Variants in ZZEF1 observed in about 807,000 individuals in gnomAD.
ZZEF1 encodes the protein zinc finger ZZ-type and EF-hand domain-containing protein 1.
Under a neutral mutation model 342.8 loss-of-function variants are expected in ZZEF1, and 157 were observed. That is an observed-to-expected ratio of 0.46 (90% CI 0.40 to 0.52). The LOEUF (loss-of-function observed/expected upper bound fraction) is 0.52. Among genes scored for constraint, ZZEF1 ranks in the 20% least tolerant of loss-of-function variants. The pLI is 0.00. For missense variants in ZZEF1, 3,480 were observed against 3,725.6 expected (o/e 0.93, Z 1.72); for synonymous variants, 1,505 against 1,429.1 (o/e 1.05, Z -1.20).
intron 11 of ZZEF1, 76 bp downstream of exon 11, chr17:4,095,755 A>G: frequency 3.4e-6 from 5 of 1,475,580 alleles, no homozygotes; most frequent in African/African-American, 1.4e-5. Flanking sequence ...ACCAATGAGC[A>G]TGAATACATT....
intron 32 of ZZEF1, among the ~76,000 whole-genome samples, chr17:4,057,142 C>A (rs781841): frequency 2.0e-5 from 3 of 152,150 alleles, no homozygotes; most frequent in Non-Finnish European, 4.4e-5. Flanking sequence ...CTGTAAAGGG[C>A]GCGCTTCCTT....
intron 34 of ZZEF1, 135 bp downstream of exon 34, chr17:4,053,921 TC>T: frequency 1.0e-6 from 1 of 961,464 alleles, no homozygotes; most frequent in Non-Finnish European, 1.5e-6. Flanking sequence ...AGGCTCATGT[TC>T]GCCAAGAAGT....
intron 30 of ZZEF1, among the ~76,000 whole-genome samples, chr17:4,060,521 C>T (rs563768506): frequency 2.0e-5 from 3 of 150,528 alleles, no homozygotes; most frequent in African/African-American, 7.4e-5. Context: ...TGCACTCCAG[C>T]CTGGGTGACA....
Position 4,117,172 on chromosome 17 carries a change from C to G in ZZEF1, c.500-6G>C. The G allele has an allele frequency of 6.2e-7, 1 of 1,600,398 alleles. No homozygotes were observed. On this transcript the variant is annotated splice_polypyrimidine_tract_variant and splice_region_variant and intron_variant, in intron 2 of 54. Transcript: ENST00000381638. ...TGAAAATATGTCTGTGAAACCTAAA[C>G]AGATGAAATCCATTTTTGGTGTTTT...
At chr17:4,123,308 TATC>T (rs1463424153) in intron 2 of ZZEF1, among the ~76,000 whole-genome samples, 4 of 129,640 alleles carry the variant, frequency 3.1e-5, no homozygotes, top group Non-Finnish European at 3.3e-5. Context: ...TATATATATA[TATC>T]AGAAAAATAT....
chr17:4,053,496 T>C (rs929151141), intron 34 of ZZEF1, among the ~76,000 whole-genome samples: 27 of 152,210 alleles, frequency 1.8e-4, no homozygotes, highest in African/African-American at 6.0e-4. Flanking sequence ...CCAGAAACAA[T>C]CTGTACCCTC....
intron 11 of ZZEF1, among the ~76,000 whole-genome samples, chr17:4,091,111 G>A (rs545567839): frequency 4.6e-5 from 7 of 152,348 alleles, no homozygotes; most frequent in African/African-American, 1.4e-4. Flanking sequence ...GAGACAGAAA[G>A]TCGGGCATTG....
intron 2 of ZZEF1, among the ~76,000 whole-genome samples, chr17:4,122,213 G>A (rs1227994517): frequency 6.6e-6 from 1 of 151,990 alleles, no homozygotes; most frequent in African/African-American, 2.4e-5. Context: ...AAAACGCTGA[G>A]GTAAAGTAAA....
At chr17:4,009,471 A>T (rs1246554653) in intron 53 of ZZEF1, 133 bp downstream of exon 53, 1 of 1,250,030 alleles carries the variant, frequency 8.0e-7, no homozygotes, top group East Asian at 2.3e-5. Context: ...ACTCTCAGCC[A>T]TGCCTGTCCT....
chr17:4,097,525 C>A (rs184875394), intron 9 of ZZEF1, among the ~76,000 whole-genome samples: 3 of 144,496 alleles, frequency 2.1e-5, no homozygotes, highest in African/African-American at 5.2e-5. Context: ...TCCTAGCCAA[C>A]ATACCCTTTC....
intron 42 of ZZEF1, among the ~76,000 whole-genome samples, chr17:4,031,893 C>G (rs1255968044): frequency 6.6e-6 from 1 of 151,894 alleles, no homozygotes; most frequent in Non-Finnish European, 1.5e-5. Context: ...TCTAGCCAAC[C>G]AAAAAACACA....
chr17:4,115,864 T>C (rs1433293068), intron 3 of ZZEF1, among the ~76,000 whole-genome samples: 2 of 152,216 alleles, frequency 1.3e-5, no homozygotes, highest in Non-Finnish European at 2.9e-5. Context: ...ACAGACTAAT[T>C]TATTAATCTT....
intron 1 of ZZEF1, among the ~76,000 whole-genome samples, chr17:4,124,587 C>T (rs1400602900): frequency 3.3e-5 from 5 of 150,532 alleles, no homozygotes; most frequent in South Asian, 2.1e-4. Flanking sequence ...GGACTACAGG[C>T]GCCTGCCACA....
intron 1 of ZZEF1, among the ~76,000 whole-genome samples, chr17:4,132,832 G>A (rs908192714): frequency 6.6e-6 from 1 of 151,590 alleles, no homozygotes; most frequent in African/African-American, 2.4e-5. Flanking sequence ...CGGGTGTGGT[G>A]GCGGGCGCCT....
intron 44 of ZZEF1, 59 bp from the exon 45 acceptor site, chr17:4,021,379 G>A: frequency 7.2e-7 from 1 of 1,381,990 alleles, no homozygotes; most frequent in Non-Finnish European, 9.8e-7. Flanking sequence ...AGATGGTACA[G>A]TCCTTTAATC....
chr17:4,039,424 C>T (rs372653896), intron 39 of ZZEF1, among the ~76,000 whole-genome samples: 32 of 151,880 alleles, frequency 2.1e-4, no homozygotes, highest in African/African-American at 7.5e-4. Context: ...GAGCTGAAAT[C>T]GCACCACTGA....
At chr17:4,137,451 A>T (rs2058769373) in intron 1 of ZZEF1, among the ~76,000 whole-genome samples, 1 of 152,182 alleles carries the variant, frequency 6.6e-6, no homozygotes. Context: ...TCTTACTAAA[A>T]AACACAAAAA....
chr17:4,118,862 G>A (rs1387968672), intron 2 of ZZEF1, among the ~76,000 whole-genome samples: 1 of 152,156 alleles, frequency 6.6e-6, no homozygotes, highest in Non-Finnish European at 1.5e-5. Context: ...GCACACAAAC[G>A]TCTCACCAAT....
At chr17:4,043,824 G>C (rs557388253) in intron 38 of ZZEF1, among the ~76,000 whole-genome samples, 15 of 152,140 alleles carry the variant, frequency 9.9e-5, no homozygotes, top group African/African-American at 3.4e-4. Context: ...CTGCCCCAGA[G>C]AGACACCAAT....
Sources: allele counts gnomAD v4.1 joint callset (sites outside exome capture counted in the v4.1 genomes callset), GRCh38; gene constraint gnomAD v4.1.1; transcripts MANE v1.5; gene names NCBI Gene and HGNC (gene_info 2026-07-23, HGNC 2026-07-21).